ROR1: variants seen among roughly 807,000 people sequenced by gnomAD.
ROR1 encodes the protein ROR family WNT receptor 1.
Under a neutral mutation model 78.8 loss-of-function variants are expected in ROR1, and 19 were observed. The ratio of observed to expected loss-of-function variants is 0.24; its 90% CI spans 0.17 to 0.35. The LOEUF (loss-of-function observed/expected upper bound fraction) is 0.35. ROR1 is among the 10% of genes least tolerant of loss of function. ROR1 has a pLI of 1.00. For synonymous variants in ROR1, 386 were observed against 433.6 expected, an observed-to-expected ratio of 0.89 and a Z score of 1.36; for missense variants, 917 against 1,177.8, an observed-to-expected ratio of 0.78 and a Z score of 3.24.
intron 1 of ROR1, among the ~76,000 whole-genome samples, chr1:63,990,230 G>T (rs919858730): frequency 6.6e-6 from 1 of 152,148 alleles, no homozygotes; most frequent in Non-Finnish European, 1.5e-5. Context: ...TGTTGCTGAA[G>T]GGAATACCTA....
intron 1 of ROR1, among the ~76,000 whole-genome samples, chr1:63,903,063 A>G (rs1313594122): frequency 2.6e-5 from 4 of 152,204 alleles, no homozygotes; most frequent in African/African-American, 7.2e-5. Flanking sequence ...ACCATGTCAC[A>G]TGACCACCCT....
intron 1 of ROR1, among the ~76,000 whole-genome samples, chr1:63,976,657 T>G (rs1229382057): frequency 6.6e-6 from 1 of 152,188 alleles, no homozygotes; most frequent in East Asian, 1.9e-4. Context: ...TTTTTCTTCC[T>G]CCTTTTGTCA....
chr1:63,949,279 G>A (rs1022092660), intron 1 of ROR1, among the ~76,000 whole-genome samples: 1 of 152,126 alleles, frequency 6.6e-6, no homozygotes, highest in Admixed American at 6.6e-5. Flanking sequence ...ATTACCTATT[G>A]CTCCTTACCT....
chr1:64,115,440 C>A (rs1648282585), intron 4 of ROR1, among the ~76,000 whole-genome samples: 2 of 151,606 alleles, frequency 1.3e-5, no homozygotes, highest in Admixed American at 1.3e-4. Context: ...TGTCTTATTG[C>A]CCAGGCTGGT....
At position 64,147,576 on chromosome 1, in the gene ROR1, G is replaced by A. The variant is rs540346241; in HGVS notation, c.1174+4926G>A. On this transcript the variant is annotated intron_variant, in intron 7 of 8. Coordinates refer to ENST00000371079, the MANE Select transcript of ROR1 (RefSeq NM_005012.4). ...GGGGTATGCGTGTCTTCTCCCAGTCGCCCTCAGCCCACCTCTAACAAACTG... is the reference window on the plus strand; with the variant it reads ...GGGGTATGCGTGTCTTCTCCCAGTCACCCTCAGCCCACCTCTAACAAACTG... 1.7e-4 allele frequency among the ~76,000 whole-genome samples: 26 copies of A among 152,178 alleles called. No homozygotes were observed. In the South Asian group the frequency reaches 3.5e-3, roughly 21 times the overall value.
At chr1:63,806,173 T>C (rs542129246) in intron 1 of ROR1, among the ~76,000 whole-genome samples, 14 of 152,206 alleles carry the variant, frequency 9.2e-5, no homozygotes, top group Non-Finnish European at 1.5e-4. Flanking sequence ...TTATTATCCA[T>C]GGACCCCTCT....
intron 4 of ROR1, among the ~76,000 whole-genome samples, chr1:64,096,868 A>G (rs1431020976): frequency 1.3e-5 from 2 of 150,946 alleles, no homozygotes; most frequent in Non-Finnish European, 2.9e-5. Flanking sequence ...CCAACAGTGT[A>G]TACGCATTCC....
At chr1:63,799,869 G>A (rs1644785180) in intron 1 of ROR1, among the ~76,000 whole-genome samples, 1 of 152,162 alleles carries the variant, frequency 6.6e-6, no homozygotes. Flanking sequence ...TATGGCAGAC[G>A]AGGGAGACAG....
chr1:63,846,104 C>CAG (rs113489345), intron 1 of ROR1, among the ~76,000 whole-genome samples: 14 of 139,808 alleles, frequency 1.0e-4, no homozygotes, highest in African/African-American at 3.6e-4. Context: ...TTTTATTTGA[C>CAG]AGAGAGAGAG....
intron 1 of ROR1, among the ~76,000 whole-genome samples, chr1:63,907,301 G>A (rs1368994761): frequency 1.3e-5 from 2 of 152,136 alleles, no homozygotes; most frequent in African/African-American, 2.4e-5. Context: ...TTGGGCGGCC[G>A]GCTGGTGATT....
intron 7 of ROR1, among the ~76,000 whole-genome samples, chr1:64,158,342 T>C (rs1033986306): frequency 9.2e-5 from 14 of 152,184 alleles, no homozygotes; most frequent in African/African-American, 3.4e-4. Context: ...ACTTCACTTT[T>C]GCAGAGGTAA....
chr1:63,895,861 T>C (rs1645435287), intron 1 of ROR1, among the ~76,000 whole-genome samples: 1 of 152,230 alleles, frequency 6.6e-6, no homozygotes. Flanking sequence ...TTTATTTGAT[T>C]TGATACTGAG....
chr1:63,864,787 T>C (rs1645204329), intron 1 of ROR1, among the ~76,000 whole-genome samples: 1 of 140,688 alleles, frequency 7.1e-6, no homozygotes, highest in Admixed American at 6.7e-5. Context: ...GCTTTCCAAA[T>C]CTTTCAATCT....
intron 1 of ROR1, among the ~76,000 whole-genome samples, chr1:63,924,321 C>T (rs572903712): frequency 6.6e-6 from 1 of 152,216 alleles, no homozygotes; most frequent in Admixed American, 6.5e-5. Flanking sequence ...CCAGTGTCTG[C>T]TGTATAAGAG....
chr1:63,817,715 G>A (rs566922461), intron 1 of ROR1, among the ~76,000 whole-genome samples: 4 of 152,174 alleles, frequency 2.6e-5, no homozygotes, highest in African/African-American at 4.8e-5. Flanking sequence ...GGACTCACTC[G>A]AGAAGGGTTA....
At chr1:63,833,990 C>CTTTTTTTTTTTTTTT (rs71056008) in intron 1 of ROR1, among the ~76,000 whole-genome samples, 23 of 132,002 alleles carry the variant, frequency 1.7e-4, no homozygotes, top group African/African-American at 2.3e-4. Context: ...TCTTCTTCTT[C>CTTTTTTTTTTTTTTT]TTTTTTTTTT....
chr1:63,860,711 G>GTGAGCAGA (rs1645175685), intron 1 of ROR1, among the ~76,000 whole-genome samples: 1 of 149,878 alleles, frequency 6.7e-6, no homozygotes, highest in African/African-American at 2.5e-5. Flanking sequence ...GGAGGTTGCA[G>GTGAGCAGA]TGAGCAGAGA....
chr1:64,091,765 T>G (rs1647199291), intron 4 of ROR1, among the ~76,000 whole-genome samples: 1 of 152,094 alleles, frequency 6.6e-6, no homozygotes, highest in Non-Finnish European at 1.5e-5. Flanking sequence ...GTGTCTCTTC[T>G]CCTACTCTGT....
At chr1:63,790,299 C>T (rs1421773473) in intron 1 of ROR1, among the ~76,000 whole-genome samples, 3 of 152,106 alleles carry the variant, frequency 2.0e-5, no homozygotes, top group South Asian at 2.1e-4. Flanking sequence ...TCCTAGAGGC[C>T]GAGATAACTC....
Sources: allele counts gnomAD v4.1 joint callset (sites outside exome capture counted in the v4.1 genomes callset), GRCh38; gene constraint gnomAD v4.1.1; transcripts MANE v1.5; gene names NCBI Gene and HGNC (gene_info 2026-07-23, HGNC 2026-07-21).